Variants in PDE4B observed in about 807,000 individuals in gnomAD.
PDE4B encodes the protein 3',5'-cyclic-AMP phosphodiesterase 4B.
PDE4B carries 20 observed loss-of-function variants against 82.2 expected under a neutral mutation model. The observed-to-expected ratio is 0.24, with a 90% CI of 0.17 to 0.35. The LOEUF is 0.35. Ranked by LOEUF, PDE4B falls within the 10% of genes least tolerant of loss-of-function variation. PDE4B has a pLI of 1.00. For missense variants in PDE4B, 655 were observed against 907.2 expected, an observed-to-expected ratio of 0.72 and a Z score of 3.57; for synonymous variants, 320 against 318.9, an observed-to-expected ratio of 1.00 and a Z score of -0.04.
rs757066131 is a variant in PDE4B, at chr1:66,040,089, A to G, written c.281+121254A>G. On this transcript the variant is annotated intron_variant, in intron 3 of 16. Coordinates refer to ENST00000341517, the MANE Select transcript of PDE4B (RefSeq NM_002600.4). ...AGGATGGATTCTCCTGTTAGAGAAG[A>G]TAGTTGCACCATCTGAACACTGGTT... 9.9e-5 allele frequency among the ~76,000 whole-genome samples: 15 copies of G among 152,142 alleles called. No homozygotes were observed. In the East Asian group the frequency reaches 2.9e-3, roughly 29 times the overall value.
chr1:65,965,727 A>G (rs1649783169), intron 3 of PDE4B, among the ~76,000 whole-genome samples: 1 of 152,090 alleles, frequency 6.6e-6, no homozygotes, highest in African/African-American at 2.4e-5. Flanking sequence ...ATAGCGTATT[A>G]TTGGCACTCA....
chr1:66,092,012 G>T (rs1246615026), intron 3 of PDE4B, among the ~76,000 whole-genome samples: 1 of 151,906 alleles, frequency 6.6e-6, no homozygotes, highest in African/African-American at 2.4e-5. Flanking sequence ...ATTCATCCTT[G>T]CATTTTCAGT....
intron 1 of PDE4B, among the ~76,000 whole-genome samples, chr1:65,885,855 T>TATC (rs1646768902): frequency 7.1e-6 from 1 of 141,376 alleles, no homozygotes; most frequent in Non-Finnish European, 1.5e-5. Flanking sequence ...AAACTTAACG[T>TATC]ATAATAATAA....
At chr1:65,824,587 A>T (rs1645992771) in intron 1 of PDE4B, among the ~76,000 whole-genome samples, 1 of 150,720 alleles carries the variant, frequency 6.6e-6, no homozygotes, top group East Asian at 1.9e-4. Context: ...CCCCTAAAGT[A>T]ATTTATATAT....
chr1:66,065,768 C>A (rs1655814144), intron 3 of PDE4B, among the ~76,000 whole-genome samples: 1 of 151,778 alleles, frequency 6.6e-6, no homozygotes, highest in Non-Finnish European at 1.5e-5. Flanking sequence ...AAATTCAGTT[C>A]TCAAATTCTT....
chr1:66,325,353 G>T (rs564419550), intron 7 of PDE4B, among the ~76,000 whole-genome samples: 1 of 152,180 alleles, frequency 6.6e-6, no homozygotes, highest in Non-Finnish European at 1.5e-5. Flanking sequence ...AAGGAAAAGG[G>T]ATTTCCAATA....
chr1:65,823,831 C>T (rs1645983899), intron 1 of PDE4B, among the ~76,000 whole-genome samples: 1 of 152,172 alleles, frequency 6.6e-6, no homozygotes, highest in South Asian at 2.1e-4. Context: ...TCAATATGAA[C>T]ACTATAGTTT....
At chr1:65,833,014 C>G (rs1646100280) in intron 1 of PDE4B, among the ~76,000 whole-genome samples, 1 of 152,076 alleles carries the variant, frequency 6.6e-6, no homozygotes, top group Non-Finnish European at 1.5e-5. Context: ...TGAAAGTGAG[C>G]AAAGTGAACA....
chr1:66,044,145 G>A (rs1443228743), intron 3 of PDE4B, among the ~76,000 whole-genome samples: 2 of 151,638 alleles, frequency 1.3e-5, no homozygotes, highest in Non-Finnish European at 3.0e-5. Context: ...ACAGAGAGAC[G>A]GAATGTGTTT....
intron 7 of PDE4B, among the ~76,000 whole-genome samples, chr1:66,274,531 A>C (rs898453346): frequency 5.3e-5 from 8 of 152,096 alleles, no homozygotes; most frequent in African/African-American, 1.9e-4. Context: ...AAATGAGAAA[A>C]GCTTTATATA....
chr1:65,829,244 G>A (rs1269894290), intron 1 of PDE4B, among the ~76,000 whole-genome samples: 1 of 152,124 alleles, frequency 6.6e-6, no homozygotes, highest in Non-Finnish European at 1.5e-5. Flanking sequence ...AATAATAATG[G>A]AGCAAATTAT....
intron 3 of PDE4B, among the ~76,000 whole-genome samples, chr1:66,053,936 G>A (rs1244865514): frequency 6.6e-6 from 1 of 152,124 alleles, no homozygotes; most frequent in East Asian, 1.9e-4. Context: ...GTTTGCTCAA[G>A]ACTGAGGAGT....
At chr1:65,840,790 C>T (rs1646198188) in intron 1 of PDE4B, among the ~76,000 whole-genome samples, 1 of 152,120 alleles carries the variant, frequency 6.6e-6, no homozygotes, top group Non-Finnish European at 1.5e-5. Context: ...ACTTTTGGTA[C>T]CTAGCATAGA....
At position 66,247,447 on chromosome 1, in the gene PDE4B, C is replaced by CT; in HGVS notation, c.282-10dup. Reference sequence around the variant, plus strand: ...GTTATCATGTGACCAGAGTTTCCCACTTTCTCTTTAAGCTTTGATGTGGAA... The same window carrying CT: ...GTTATCATGTGACCAGAGTTTCCCACTTTTCTCTTTAAGCTTTGATGTGGAA... On this transcript the variant is annotated splice_polypyrimidine_tract_variant and intron_variant, in intron 3 of 16. Coordinates refer to ENST00000341517, the MANE Select transcript of PDE4B (RefSeq NM_002600.4). 1.3e-6 allele frequency: 2 copies of CT among 1,542,678 alleles called. No individual in the cohort carries two copies. Among genetic ancestry groups the CT allele is most frequent in the Non-Finnish European group, 1.7e-6 (2 of 1,145,354 alleles).
intron 1 of PDE4B, among the ~76,000 whole-genome samples, chr1:65,882,057 C>G (rs1348627275): frequency 2.0e-5 from 3 of 152,120 alleles, no homozygotes; most frequent in African/African-American, 7.2e-5. Context: ...AAATAAAATA[C>G]TGAATTTATT....
At chr1:66,012,490 T>G (rs1652541424) in intron 3 of PDE4B, among the ~76,000 whole-genome samples, 1 of 152,136 alleles carries the variant, frequency 6.6e-6, no homozygotes, top group South Asian at 2.1e-4. Flanking sequence ...GTTTAATGGT[T>G]GTTTCTCTCT....
At chr1:65,804,485 A>C (rs1303696920) in intron 1 of PDE4B, among the ~76,000 whole-genome samples, 1 of 152,188 alleles carries the variant, frequency 6.6e-6, no homozygotes, top group African/African-American at 2.4e-5. Flanking sequence ...CTGTCTTATG[A>C]AAATTAAGAG....
chr1:65,794,138 C>G (rs1377871068), intron 1 of PDE4B, among the ~76,000 whole-genome samples: 1 of 152,178 alleles, frequency 6.6e-6, no homozygotes, highest in Non-Finnish European at 1.5e-5. Flanking sequence ...ATTGTACTTA[C>G]ATTAGGTTTA....
intron 3 of PDE4B, among the ~76,000 whole-genome samples, chr1:66,041,282 C>T (rs1654355968): frequency 6.6e-6 from 1 of 151,888 alleles, no homozygotes; most frequent in Non-Finnish European, 1.5e-5. Flanking sequence ...TTTTACCATC[C>T]AGTACTCAAA....
Sources: gnomAD v4.1 joint callset for allele counts (sites outside exome capture counted in the v4.1 genomes callset) on GRCh38, gnomAD v4.1.1 for gene constraint, MANE v1.5 for transcripts, NCBI Gene and HGNC (gene_info 2026-07-23, HGNC 2026-07-21) for gene names.